TPST1: variants seen among roughly 807,000 people sequenced by gnomAD.
TPST1 encodes the protein tyrosylprotein sulfotransferase 1, also known as protein-tyrosine sulfotransferase 1.
In TPST1, 20 loss-of-function variants were observed where a neutral mutation model predicts 34.8. That is an observed-to-expected ratio of 0.57 (90% CI 0.40 to 0.84). The LOEUF is 0.84. TPST1 is among the 40% of genes least tolerant of loss of function. The pLI is 0.00. For missense variants in TPST1, 353 were observed against 455.5 expected (o/e 0.78, Z 2.05); for synonymous variants, 152 against 159.4 (o/e 0.95, Z 0.35).
At chr7:66,268,084 C>G (rs546218884) in intron 2 of TPST1, among the ~76,000 whole-genome samples, 1 of 152,200 alleles carries the variant, frequency 6.6e-6, no homozygotes, top group South Asian at 2.1e-4. Flanking sequence ...TCCCAAGTAG[C>G]TGGGATTACA....
intron 1 of TPST1, among the ~76,000 whole-genome samples, chr7:66,235,460 T>C (rs1444807748): frequency 4.6e-5 from 7 of 152,208 alleles, no homozygotes; most frequent in African/African-American, 1.4e-4. Flanking sequence ...TGCTCAAACA[T>C]ATATTGAATG....
chr7:66,278,738 G>T lies in TPST1; in HGVS notation c.846-7773G>T, dbSNP rs371125491. On this transcript the variant is annotated intron_variant, in intron 2 of 5. Coordinates refer to ENST00000304842, the MANE Select transcript of TPST1 (RefSeq NM_003596.4). Reference sequence around the variant, plus strand: ...GCGGAGCTTGCAGGGAGCCGAGATCGCACCACTGCACTCCAGCCCACTGCA... The same window carrying T: ...GCGGAGCTTGCAGGGAGCCGAGATCTCACCACTGCACTCCAGCCCACTGCA... 2.0e-3 allele frequency among the ~76,000 whole-genome samples: 309 copies of T among 151,386 alleles called. 2 individuals carry two copies. Among genetic ancestry groups the T allele is most frequent in the African/African-American group, 7.3e-3 (302 of 41,290 alleles).
intron 3 of TPST1, among the ~76,000 whole-genome samples, chr7:66,314,957 C>T (rs1791604012): frequency 6.6e-6 from 1 of 152,182 alleles, no homozygotes; most frequent in African/African-American, 2.4e-5. Context: ...TCTAGATGAG[C>T]ATCCATTGAT....
At chr7:66,349,379 T>C (rs1009437293) in intron 3 of TPST1, among the ~76,000 whole-genome samples, 3 of 152,158 alleles carry the variant, frequency 2.0e-5, no homozygotes, top group African/African-American at 7.2e-5. Context: ...AAGACCAGCC[T>C]GACCAACATG....
chr7:66,325,435 G>A (rs1289198576), intron 3 of TPST1, among the ~76,000 whole-genome samples: 2 of 151,786 alleles, frequency 1.3e-5, no homozygotes, highest in Non-Finnish European at 2.9e-5. Flanking sequence ...ATTTTAAAGT[G>A]TAATTAAGCA....
intron 5 of TPST1, among the ~76,000 whole-genome samples, chr7:66,357,936 T>C (rs1792615088): frequency 6.6e-6 from 1 of 152,096 alleles, no homozygotes; most frequent in African/African-American, 2.4e-5. Context: ...ATACAAAAAT[T>C]AGCTGGGTGT....
At chr7:66,212,326 C>T (rs970734804) in intron 1 of TPST1, among the ~76,000 whole-genome samples, 1 of 152,118 alleles carries the variant, frequency 6.6e-6, no homozygotes, top group Non-Finnish European at 1.5e-5. Context: ...CTTAAGCAAG[C>T]CCTATACCTA....
At chr7:66,306,024 T>G (rs1791415765) in intron 3 of TPST1, among the ~76,000 whole-genome samples, 1 of 152,180 alleles carries the variant, frequency 6.6e-6, no homozygotes, top group Admixed American at 6.5e-5. Context: ...CACCTGAATG[T>G]GGACAGGACC....
intron 2 of TPST1, among the ~76,000 whole-genome samples, chr7:66,264,573 A>G (rs149004494): frequency 7.0e-4 from 107 of 152,328 alleles, no homozygotes; most frequent in African/African-American, 2.5e-3. Flanking sequence ...AGCTAACAGA[A>G]TAGAGACTCC....
intron 2 of TPST1, among the ~76,000 whole-genome samples, chr7:66,267,579 A>G (rs1790616992): frequency 6.6e-6 from 1 of 152,224 alleles, no homozygotes; most frequent in Non-Finnish European, 1.5e-5. Flanking sequence ...ATTGCAGAAT[A>G]AGTACTGAGA....
intron 3 of TPST1, among the ~76,000 whole-genome samples, chr7:66,295,408 T>C (rs2115990710): frequency 6.6e-6 from 1 of 152,246 alleles, no homozygotes; most frequent in African/African-American, 2.4e-5. Flanking sequence ...GGTGAGAGGA[T>C]TGCTTGAGCC....
At chr7:66,221,263 T>C (rs1789536755) in intron 1 of TPST1, among the ~76,000 whole-genome samples, 2 of 152,154 alleles carry the variant, frequency 1.3e-5, no homozygotes, top group Admixed American at 1.3e-4. Context: ...AAACTGATTT[T>C]TTTTCCGTAA....
At chr7:66,228,829 G>C (rs1237767432) in intron 1 of TPST1, among the ~76,000 whole-genome samples, 2 of 152,082 alleles carry the variant, frequency 1.3e-5, no homozygotes, top group Non-Finnish European at 2.9e-5. Context: ...AGAAACTCCT[G>C]TTCTTGGTTC....
chr7:66,251,058 C>T (rs1372279972), intron 2 of TPST1, among the ~76,000 whole-genome samples: 1 of 152,150 alleles, frequency 6.6e-6, no homozygotes, highest in Non-Finnish European at 1.5e-5. Context: ...TGTTTTCAGA[C>T]CACAGTTGAC....
chr7:66,275,384 C>T (rs1020268289), intron 2 of TPST1, among the ~76,000 whole-genome samples: 1 of 151,960 alleles, frequency 6.6e-6, no homozygotes, highest in Non-Finnish European at 1.5e-5. Flanking sequence ...GGTATGTACC[C>T]AAAGGAATTG....
chr7:66,216,594 C>G (rs962427080), intron 1 of TPST1, among the ~76,000 whole-genome samples: 1 of 152,116 alleles, frequency 6.6e-6, no homozygotes, highest in Admixed American at 6.5e-5. Context: ...CTCGGCCTCC[C>G]GAGTAGCTGG....
chr7:66,293,471 G>A (rs1791129743), intron 3 of TPST1, among the ~76,000 whole-genome samples: 1 of 152,110 alleles, frequency 6.6e-6, no homozygotes, highest in Admixed American at 6.5e-5. Flanking sequence ...CCACTGTACT[G>A]TAGCCTGGGT....
At chr7:66,227,027 G>GGTTT (rs1390977469) in intron 1 of TPST1, among the ~76,000 whole-genome samples, 1 of 46,036 alleles carries the variant, frequency 2.2e-5, no homozygotes, top group East Asian at 4.5e-4. Context: ...CTTAAAATAA[G>GGTTT]CTTTTTTTTT....
intron 2 of TPST1, among the ~76,000 whole-genome samples, chr7:66,256,660 A>G (rs1358956468): frequency 2.6e-5 from 4 of 152,222 alleles, no homozygotes; most frequent in African/African-American, 9.6e-5. Flanking sequence ...ACATCCTATC[A>G]CTTTTGCCAT....
Sources: allele counts gnomAD v4.1 joint callset (sites outside exome capture counted in the v4.1 genomes callset), GRCh38; gene constraint gnomAD v4.1.1; transcripts MANE v1.5; gene names NCBI Gene and HGNC (gene_info 2026-07-23, HGNC 2026-07-21).